Variants in RAB33B observed in about 807,000 individuals in gnomAD.
RAB33B encodes the protein ras-related protein Rab-33B.
Under a neutral mutation model 15.0 loss-of-function variants are expected in RAB33B, and 6 were observed. The observed-to-expected ratio is 0.40, with a 90% CI of 0.22 to 0.79. The LOEUF (loss-of-function observed/expected upper bound fraction) is 0.79, where lower values mean the gene tolerates loss of function less well. Among genes scored for constraint, RAB33B ranks in the 30% least tolerant of loss-of-function variants. The pLI is 0.37. For synonymous variants in RAB33B, 117 were observed against 108.3 expected, an observed-to-expected ratio of 1.08 and a Z score of -0.50; for missense variants, 257 against 296.4, an observed-to-expected ratio of 0.87 and a Z score of 0.98.
chr4:139,469,226 C>G lies in RAB33B; in HGVS notation c.250-3460C>G, dbSNP rs182465647. 9.8e-5 allele frequency among the ~76,000 whole-genome samples: 15 copies of G among 152,288 alleles called. No homozygotes were observed. The East Asian group carries it at 2.7e-3, about 27-fold the overall frequency. The stretch of plus-strand genomic sequence containing the variant: ...GTCCTTTTGAGGCTATTTTCTAGAT[C>G]CTGTAGGCGTGCTCCCTTGTTTTTT... On this transcript the variant is annotated intron_variant, in intron 1 of 1. Transcript: ENST00000305626.
intron 1 of RAB33B, among the ~76,000 whole-genome samples, 169 bp downstream of exon 1, chr4:139,454,613 A>G (rs558358136): frequency 6.6e-6 from 1 of 152,338 alleles, no homozygotes; most frequent in South Asian, 2.1e-4. Flanking sequence ...CTTCTAAGGC[A>G]GCGTTTCTCA....
chr4:139,471,582 T>C (rs924426230), intron 1 of RAB33B, among the ~76,000 whole-genome samples: 1 of 151,148 alleles, frequency 6.6e-6, no homozygotes, highest in African/African-American at 2.4e-5. Context: ...TGCGGGGCAG[T>C]TGGGGACATG....
chr4:139,440,110 A>C, the RAB33B span, among the ~76,000 whole-genome samples: 27 of 152,128 alleles, frequency 1.8e-4, no homozygotes, highest in African/African-American at 6.3e-4. Context: ...TGTTTTTGTT[A>C]CTGTTTTTAT....
the RAB33B span, among the ~76,000 whole-genome samples, chr4:139,443,535 T>TG: frequency 6.6e-6 from 1 of 152,122 alleles, no homozygotes; most frequent in Non-Finnish European, 1.5e-5. Flanking sequence ...CTGTCCTAAG[T>TG]GAGAGTCTTA....
In RAB33B at chr4:139,472,983, A is replaced by G. The variant is rs779934522; in HGVS notation, c.547A>G (p.Asn183Asp). The G allele has an allele frequency of 2.5e-6, 4 of 1,614,148 alleles. No homozygotes were observed. The South Asian group carries it at 3.3e-5, about 13-fold the overall frequency. The change falls in exon 2 of 2, where the codon AAT becomes GAT. Residue 183 changes from asparagine to aspartate, a missense_variant. Coordinates refer to ENST00000305626, the MANE Select transcript of RAB33B (RefSeq NM_031296.3). ...GTTTGAAACGTCTGCTAAAAACCCC[A>G]ATGATAATGACCATGTGGAAGCTAT... ...PLFETSAKNPNDNDHVEAIFM... is the reference protein window; with the variant it reads ...PLFETSAKNPDDNDHVEAIFM...
At chr4:139,451,024 C>A (rs1749908867), upstream of RAB33B, 1 of 144,424 alleles carries the variant, frequency 6.9e-6, no homozygotes, top group African/African-American at 2.5e-5. Flanking sequence ...GTCTCAGCCT[C>A]CTGAATAGCT....
In RAB33B at chr4:139,475,536, G is replaced by A. The variant is rs2111091071; in HGVS notation, c.*2410G>A. On this transcript the variant is annotated 3_prime_UTR_variant, in exon 2 of 2. Coordinates refer to ENST00000305626, the MANE Select transcript of RAB33B (RefSeq NM_031296.3). ...AACATACCAGTTGAATGGGGTTAAA[G>A]CTTTCAATATCTTAAAATATTTATA... 6.6e-6 allele frequency: 1 copy of A among 151,818 alleles called. No individual in the cohort carries two copies. The highest frequency in any genetic ancestry group is 1.9e-4 in the East Asian group (1 of 5,172). 9.4% of individuals were successfully genotyped at this position (151,818 alleles called of 1,614,324 possible).
the RAB33B span, among the ~76,000 whole-genome samples, chr4:139,440,494 C>T: frequency 1.3e-5 from 2 of 152,086 alleles, no homozygotes; most frequent in African/African-American, 4.8e-5. Flanking sequence ...GTACTTTTTG[C>T]CCCCCTAGCT....
Position 139,475,924 on chromosome 4 carries a change from T to G in RAB33B, c.*2798T>G, listed in dbSNP as rs1750492780. On this transcript the variant is annotated 3_prime_UTR_variant, in exon 2 of 2. Coordinates refer to ENST00000305626, the MANE Select transcript of RAB33B (RefSeq NM_031296.3). ...AGCTTAGCCACAAAGAAATTGTGTTTTATTTTCTTTGTTTGGTTACTGGGT... is the reference window on the plus strand; with the variant it reads ...AGCTTAGCCACAAAGAAATTGTGTTGTATTTTCTTTGTTTGGTTACTGGGT... The G allele has an allele frequency of 6.6e-6, 1 of 152,212 alleles. No homozygotes were observed. The highest frequency in any genetic ancestry group is 1.5e-5 in the Non-Finnish European group (1 of 68,020). 9.4% of individuals were successfully genotyped at this position (152,212 alleles called of 1,614,324 possible). A position where few individuals can be genotyped will look rare whatever the true frequency, so the allele number is the denominator to read the frequency against.
chr4:139,450,641 A>G (rs1357909444), upstream of RAB33B: 2 of 152,264 alleles, frequency 1.3e-5, no homozygotes, highest in South Asian at 2.1e-4. Flanking sequence ...ACCTTCCACA[A>G]CAAAGAATTA....
rs1750466769 is a variant in RAB33B at position 139,474,685 on chromosome 4, A to G, written c.*1559A>G. 1 of 152,686 alleles carries G rather than the reference A, an allele frequency of 6.5e-6. No individual in the cohort carries two copies. The highest frequency in any genetic ancestry group is 6.5e-5 in the Admixed American group (1 of 15,292). 9.5% of individuals were successfully genotyped at this position (152,686 alleles called of 1,614,324 possible). A position where few individuals can be genotyped will look rare whatever the true frequency, so the allele number is the denominator to read the frequency against. On this transcript the variant is annotated 3_prime_UTR_variant, in exon 2 of 2. Transcript: ENST00000305626. ...TGTCTAAACTTCAGTGATGGAAAGA[A>G]TATTTCAAGAAGTTTTTTAACCTAA... is the stretch of plus-strand genomic sequence containing the variant.
chr4:139,468,224 C>G (rs940860929), intron 1 of RAB33B, among the ~76,000 whole-genome samples: 3 of 152,172 alleles, frequency 2.0e-5, no homozygotes, highest in Non-Finnish European at 4.4e-5. Flanking sequence ...GGAAACTCCC[C>G]CTTTTAAAAC....
chr4:139,473,340 A>C lies in RAB33B; in HGVS notation c.*214A>C. The C allele has an allele frequency of 1.9e-6, 1 of 539,774 alleles. No homozygotes were observed. Among genetic ancestry groups the C allele is most frequent in the South Asian group, 2.8e-5 (1 of 35,472 alleles). The allele number at this position is 539,774 out of a possible 1,614,324, so 33.4% of individuals were successfully genotyped here. A position where few individuals can be genotyped will look rare whatever the true frequency, so the allele number is the denominator to read the frequency against. ...TTCAGGTGAGATTGAAAATGAAGCA[A>C]AGATAGGATGAATCTGAACATCTCT... On this transcript the variant is annotated 3_prime_UTR_variant, in exon 2 of 2. Transcript: ENST00000305626.
chr4:139,450,706 A>G (rs566068095), upstream of RAB33B: 1 of 152,346 alleles, frequency 6.6e-6, no homozygotes, highest in Non-Finnish European at 1.5e-5. Context: ...TTCATAGGCA[A>G]TCAAGGGAAT....
At chr4:139,462,503 T>G (rs1750192549) in intron 1 of RAB33B, among the ~76,000 whole-genome samples, 1 of 152,250 alleles carries the variant, frequency 6.6e-6, no homozygotes, top group Admixed American at 6.5e-5. Flanking sequence ...TTTTCCCCTA[T>G]TCTTTCAAAG....
chr4:139,441,820 G>C, the RAB33B span, among the ~76,000 whole-genome samples: 7 of 152,194 alleles, frequency 4.6e-5, no homozygotes, highest in Non-Finnish European at 8.8e-5. Context: ...GACTCTGCCA[G>C]TGTAATTTTT....
chr4:139,441,590 C>T, the RAB33B span, among the ~76,000 whole-genome samples: 52 of 152,210 alleles, frequency 3.4e-4, no homozygotes, highest in Admixed American at 1.5e-3. Context: ...TGATTTATGA[C>T]GGAATTATAT....
chr4:139,451,688 T>C (rs1042729723), upstream of RAB33B: 5 of 152,164 alleles, frequency 3.3e-5, no homozygotes, highest in Non-Finnish European at 7.4e-5. Context: ...TACTGTGTGA[T>C]TTTAATATCC....
the RAB33B span, among the ~76,000 whole-genome samples, chr4:139,444,627 G>A: frequency 6.6e-6 from 1 of 152,082 alleles, no homozygotes; most frequent in African/African-American, 2.4e-5. Flanking sequence ...TGATTCTAGG[G>A]GACCCAAAAT....
Sources: gnomAD v4.1 joint callset for allele counts (sites outside exome capture counted in the v4.1 genomes callset) on GRCh38, gnomAD v4.1.1 for gene constraint, MANE v1.5 for transcripts, NCBI Gene and HGNC (gene_info 2026-07-23, HGNC 2026-07-21) for gene names.